ARHGAP44: variants seen among roughly 807,000 people sequenced by gnomAD.
ARHGAP44 encodes the protein rho GTPase-activating protein 44.
In ARHGAP44, 43 loss-of-function variants were observed where a neutral mutation model predicts 106.8. The observed-to-expected ratio is 0.40, with a 90% CI of 0.32 to 0.52. The LOEUF is 0.52. Among genes scored for constraint, ARHGAP44 ranks in the 20% least tolerant of loss-of-function variants. The probability of loss-of-function intolerance (pLI) is 0.48; values close to 1 mark genes in which losing one functional copy is unlikely to be tolerated. For synonymous variants in ARHGAP44, 439 were observed against 410.3 expected (o/e 1.07, Z -0.85); for missense variants, 866 against 1,050.5 (o/e 0.82, Z 2.43).
rs2072257 is a variant in ARHGAP44, at chr17:12,990,455, A to G, written c.*284A>G. On this transcript the variant is annotated 3_prime_UTR_variant, in exon 21 of 21. Coordinates refer to ENST00000379672, the MANE Select transcript of ARHGAP44 (RefSeq NM_014859.6). The stretch of plus-strand genomic sequence containing the variant: ...ATCCACTTTCAGCCTCCATGCCAGA[A>G]AACACCCACCTCTCCATCCAAGGCT... 2.8e-6 allele frequency: 1 copy of G among 359,892 alleles called. No homozygotes were observed. The highest frequency in any genetic ancestry group is 5.4e-6 in the Non-Finnish European group (1 of 186,686). The allele number at this position is 359,892 out of a possible 1,614,324, so 22.3% of individuals were successfully genotyped here.
intron 1 of ARHGAP44, among the ~76,000 whole-genome samples, chr17:12,860,775 A>G (rs1239623587): frequency 6.6e-6 from 1 of 151,842 alleles, no homozygotes; most frequent in Non-Finnish European, 1.5e-5. Context: ...AAGGGATGTG[A>G]CTTGGGTCTA....
intron 4 of ARHGAP44, among the ~76,000 whole-genome samples, chr17:12,914,156 C>T (rs2037831467): frequency 6.6e-6 from 1 of 152,038 alleles, no homozygotes; most frequent in Non-Finnish European, 1.5e-5. Context: ...GGAATATGAA[C>T]AGGCACTTCA....
chr17:12,903,140 A>AGGGT (rs1403029479), intron 3 of ARHGAP44, among the ~76,000 whole-genome samples: 2 of 57,594 alleles, frequency 3.5e-5, no homozygotes, highest in Non-Finnish European at 6.6e-5. Flanking sequence ...AGAGAGAGAG[A>AGGGT]GTGTGTGTGT....
At chr17:12,960,078 A>G (rs887872608) in intron 16 of ARHGAP44, among the ~76,000 whole-genome samples, 1 of 152,212 alleles carries the variant, frequency 6.6e-6, no homozygotes, top group African/African-American at 2.4e-5. Flanking sequence ...ATGACGGTCA[A>G]GCTTTCACAA....
At chr17:12,935,569 CAA>C (rs11364751) in intron 7 of ARHGAP44, among the ~76,000 whole-genome samples, 30,716 of 125,610 alleles carry the variant, frequency 0.24, 3,139 homozygotes, top group Non-Finnish European at 0.28. Context: ...GACTCCATCT[CAA>C]AAAAAAAAAA....
chr17:12,878,853 G>A (rs2036634147), intron 1 of ARHGAP44, among the ~76,000 whole-genome samples: 1 of 152,176 alleles, frequency 6.6e-6, no homozygotes, highest in Admixed American at 6.5e-5. Context: ...ATGAGTTTAT[G>A]ACCTTACATT....
At chr17:12,813,702 CAAAG>C (rs553209852) in intron 1 of ARHGAP44, among the ~76,000 whole-genome samples, 291 of 152,238 alleles carry the variant, frequency 1.9e-3, no homozygotes, top group African/African-American at 6.5e-3. Flanking sequence ...CCCCACCACA[CAAAG>C]AGAGTGTATC....
intron 1 of ARHGAP44, among the ~76,000 whole-genome samples, chr17:12,860,643 C>T (rs2036042583): frequency 6.6e-6 from 1 of 152,002 alleles, no homozygotes; most frequent in Middle Eastern, 3.2e-3. Flanking sequence ...TTTTATTTTC[C>T]TGCTTATTTT....
chr17:12,790,735 C>T (rs2033725067), intron 1 of ARHGAP44: 1 of 152,196 alleles, frequency 6.6e-6, no homozygotes, highest in East Asian at 1.9e-4. Context: ...AGGGTGCCAA[C>T]ATCTATTAAG....
At chr17:12,956,824 A>C (rs2039138542) in intron 15 of ARHGAP44, 78 bp downstream of exon 15, 1 of 1,279,276 alleles carries the variant, frequency 7.8e-7, no homozygotes. Flanking sequence ...CTTTGAAGCC[A>C]AGTACCACTG....
At chr17:12,910,115 T>A (rs2037680197) in intron 4 of ARHGAP44, among the ~76,000 whole-genome samples, 1 of 152,118 alleles carries the variant, frequency 6.6e-6, no homozygotes. Flanking sequence ...TCAGGCAGAT[T>A]TGAAGAAGAT....
chr17:12,825,047 C>A (rs2034878809), intron 1 of ARHGAP44, among the ~76,000 whole-genome samples: 1 of 151,774 alleles, frequency 6.6e-6, no homozygotes, highest in Non-Finnish European at 1.5e-5. Flanking sequence ...TGATTACTAT[C>A]TTTTTTGAGA....
intron 3 of ARHGAP44, among the ~76,000 whole-genome samples, chr17:12,903,130 A>AGTGTGTGTGT (rs1567677758): frequency 8.6e-6 from 1 of 116,698 alleles, no homozygotes; most frequent in African/African-American, 3.3e-5. Flanking sequence ...GAGAGAGGAG[A>AGTGTGTGTGT]GAGAGAGAGA....
chr17:12,814,919 A>G (rs1189935083), intron 1 of ARHGAP44, among the ~76,000 whole-genome samples: 1 of 152,168 alleles, frequency 6.6e-6, no homozygotes, highest in South Asian at 2.1e-4. Flanking sequence ...AATATTGCTG[A>G]ATCATGGTTG....
chr17:12,826,301 A>G (rs2034917817), intron 1 of ARHGAP44, among the ~76,000 whole-genome samples: 1 of 151,988 alleles, frequency 6.6e-6, no homozygotes, highest in Non-Finnish European at 1.5e-5. Context: ...TCACCAGACA[A>G]ATTTGTTTTC....
intron 4 of ARHGAP44, among the ~76,000 whole-genome samples, chr17:12,910,012 G>A (rs529841877): frequency 3.2e-4 from 49 of 152,274 alleles, no homozygotes; most frequent in Non-Finnish European, 6.2e-4. Flanking sequence ...CACAATGAAT[G>A]CCAGAAGATA....
At chr17:12,963,733 AAGC>A (rs1555564375) in intron 16 of ARHGAP44, among the ~76,000 whole-genome samples, 1 of 128,202 alleles carries the variant, frequency 7.8e-6, no homozygotes, top group Admixed American at 7.5e-5. Context: ...CGGCCTTGCG[AAGC>A]CCTGCCAGAA....
At chr17:12,811,121 G>T (rs1450792792) in intron 1 of ARHGAP44, among the ~76,000 whole-genome samples, 1 of 151,956 alleles carries the variant, frequency 6.6e-6, no homozygotes, top group Non-Finnish European at 1.5e-5. Context: ...GACCATCCTG[G>T]CTAACACGGT....
At chr17:12,934,377 A>G (rs1445559472) in intron 7 of ARHGAP44, among the ~76,000 whole-genome samples, 1 of 152,234 alleles carries the variant, frequency 6.6e-6, no homozygotes, top group Non-Finnish European at 1.5e-5. Flanking sequence ...TTGTTAGACT[A>G]AAAGACAACC....
Sources: allele counts gnomAD v4.1 joint callset (sites outside exome capture counted in the v4.1 genomes callset), GRCh38; gene constraint gnomAD v4.1.1; transcripts MANE v1.5; gene names NCBI Gene and HGNC (gene_info 2026-07-23, HGNC 2026-07-21).